XKR4: variants seen among roughly 807,000 people sequenced by gnomAD.
XKR4 encodes the protein XK related 4.
A neutral mutation model predicts 53.9 loss-of-function variants in XKR4; 12 were observed. The ratio of observed to expected loss-of-function variants is 0.22; its 90% CI spans 0.14 to 0.36. The LOEUF (loss-of-function observed/expected upper bound fraction) is 0.36, where lower values mean the gene tolerates loss of function less well. XKR4 is among the 10% of genes least tolerant of loss of function. The pLI is 1.00. For synonymous variants in XKR4, 354 were observed against 362.4 expected, an observed-to-expected ratio of 0.98 and a Z score of 0.26; for missense variants, 799 against 859.5, an observed-to-expected ratio of 0.93 and a Z score of 0.88.
At chr8:55,318,034 C>T (rs1205314357) in intron 1 of XKR4, among the ~76,000 whole-genome samples, 1 of 152,204 alleles carries the variant, frequency 6.6e-6, no homozygotes. Context: ...TTTATTAGAA[C>T]CAATGTTCAA....
At chr8:55,321,250 C>T (rs1447557469) in intron 1 of XKR4, among the ~76,000 whole-genome samples, 1 of 152,164 alleles carries the variant, frequency 6.6e-6, no homozygotes, top group African/African-American at 2.4e-5. Flanking sequence ...CAACCCAGTT[C>T]CTCTCTCTGT....
At chr8:55,202,217 G>A (rs567292765) in intron 1 of XKR4, among the ~76,000 whole-genome samples, 4 of 152,300 alleles carry the variant, frequency 2.6e-5, no homozygotes, top group South Asian at 4.1e-4. Flanking sequence ...ATCATCAGTC[G>A]GGGGTATGAG....
chr8:55,444,787 TA>T (rs1352249655), intron 2 of XKR4, among the ~76,000 whole-genome samples: 1 of 152,220 alleles, frequency 6.6e-6, no homozygotes, highest in African/African-American at 2.4e-5. Flanking sequence ...CATCATCTAT[TA>T]AAGTTTAATA....
At chr8:55,420,204 A>T (rs534259580) in intron 2 of XKR4, among the ~76,000 whole-genome samples, 2 of 152,300 alleles carry the variant, frequency 1.3e-5, no homozygotes, top group East Asian at 3.9e-4. Flanking sequence ...CAGTGAAAAG[A>T]TTGTGCATAA....
At chr8:55,490,838 T>C (rs1414285670) in intron 2 of XKR4, among the ~76,000 whole-genome samples, 2 of 151,656 alleles carry the variant, frequency 1.3e-5, no homozygotes, top group South Asian at 2.1e-4. Flanking sequence ...TTGTGGTTTG[T>C]TTTTTCTGCT....
intron 1 of XKR4, among the ~76,000 whole-genome samples, chr8:55,281,474 G>A (rs111825957): frequency 2.0e-5 from 3 of 152,254 alleles, no homozygotes; most frequent in African/African-American, 7.2e-5. Flanking sequence ...AATGGGAAAT[G>A]GGAAGTCCCT....
chr8:55,146,049 T>C (rs1816769636), intron 1 of XKR4, among the ~76,000 whole-genome samples: 1 of 152,238 alleles, frequency 6.6e-6, no homozygotes, highest in African/African-American at 2.4e-5. Context: ...AAATGGGAAT[T>C]ATGAAATGAC....
chr8:55,120,142 A>C (rs568291249), intron 1 of XKR4, among the ~76,000 whole-genome samples: 103 of 152,320 alleles, frequency 6.8e-4, no homozygotes, highest in African/African-American at 2.4e-3. Context: ...GAAGTTAATT[A>C]GGGATTCCTG....
intron 2 of XKR4, among the ~76,000 whole-genome samples, chr8:55,461,641 T>G (rs1805659925): frequency 6.6e-6 from 1 of 151,778 alleles, no homozygotes; most frequent in Non-Finnish European, 1.5e-5. Flanking sequence ...TTTTGATGAG[T>G]TGAGAGAGGA....
rs1051448792 is a variant in XKR4 at position 55,531,513 on chromosome 8, A to T, written c.*7286A>T. Reference sequence around the variant, plus strand: ...TAAAGTAACAATACAAATACAAAAAAAAAACTAGATGACTGCTTATAAAGA... The same window carrying T: ...TAAAGTAACAATACAAATACAAAAATAAAACTAGATGACTGCTTATAAAGA... On this transcript the variant is annotated 3_prime_UTR_variant, in exon 3 of 3. Coordinates refer to ENST00000327381, the MANE Select transcript of XKR4 (RefSeq NM_052898.2). The T allele has an allele frequency of 6.6e-6, 1 of 152,202 alleles. No individual in the cohort carries two copies. Among genetic ancestry groups the T allele is most frequent in the African/African-American group, 2.4e-5 (1 of 41,452 alleles). 9.4% of individuals were successfully genotyped at this position (152,202 alleles called of 1,614,324 possible).
chr8:55,450,239 A>C, intron 2 of XKR4: 2 of 648,312 alleles, frequency 3.1e-6, no homozygotes, highest in East Asian at 3.1e-5. Context: ...CCTCCGTCAA[A>C]CCGTTCTTCC....
intron 1 of XKR4, among the ~76,000 whole-genome samples, chr8:55,279,095 T>A (rs1445646998): frequency 6.6e-6 from 1 of 152,220 alleles, no homozygotes; most frequent in East Asian, 1.9e-4. Context: ...TCACTGTACA[T>A]CAAAGAAGTT....
Position 55,357,743 on chromosome 8 carries a change from T to C in XKR4, c.872T>C (p.Phe291Ser). The C allele has an allele frequency of 1.2e-6, 2 of 1,614,190 alleles. No homozygotes were observed. The highest frequency in any genetic ancestry group is 1.7e-6 in the Non-Finnish European group (2 of 1,180,036). ...AGTGGGGAGAATGACAGATGGAGGT[T>C]TTACTGGAAAATGGTATATGAGTAT... is the stretch of plus-strand genomic sequence containing the variant. ...RQSGENDRWR[F>S]YWKMVYEYAD... The change falls in exon 2 of 3, where the codon TTT becomes TCT. Residue 291 changes from phenylalanine to serine, a missense_variant. Phe to Ser is a radical substitution (Grantham distance 155). Around this residue, in one of 3 missense-constraint regions of XKR4, gnomAD observed 476 missense variants for 505.4 expected, o/e 0.94. Transcript: ENST00000327381.
rs1379231926 is a variant in XKR4 at position 55,249,140 on chromosome 8, C to T, written c.807-108538C>T. 2.6e-5 allele frequency among the ~76,000 whole-genome samples: 4 copies of T among 152,256 alleles called. No individual in the cohort carries two copies. In the East Asian group the frequency reaches 7.7e-4, roughly 29 times the overall value. On this transcript the variant is annotated intron_variant, in intron 1 of 2. Coordinates refer to ENST00000327381, the MANE Select transcript of XKR4 (RefSeq NM_052898.2). ...ACTGTTTGGCTATAGCAAAATGAAG[C>T]CCTCTCAAAGCAACTTAAGCAAAAA...
chr8:55,491,845 T>A (rs957753089), intron 2 of XKR4, among the ~76,000 whole-genome samples: 90 of 152,182 alleles, frequency 5.9e-4, no homozygotes, highest in African/African-American at 2.2e-3. Flanking sequence ...GTATGTAAGC[T>A]CTGAGAATTG....
chr8:55,460,693 C>A (rs564194285), intron 2 of XKR4, among the ~76,000 whole-genome samples: 2 of 152,082 alleles, frequency 1.3e-5, no homozygotes, highest in African/African-American at 2.4e-5. Flanking sequence ...ATCGCCTCAC[C>A]CGGGAAGCAC....
chr8:55,240,256 TA>T (rs959183255), intron 1 of XKR4, among the ~76,000 whole-genome samples: 5 of 152,116 alleles, frequency 3.3e-5, no homozygotes, highest in South Asian at 4.1e-4. Flanking sequence ...TATATTTATT[TA>T]AAAAAATATA....
intron 1 of XKR4, among the ~76,000 whole-genome samples, chr8:55,273,865 T>C (rs4738024): frequency 0.76 from 115,708 of 152,118 alleles, 47,260 homozygotes; most frequent in Non-Finnish European, 0.92. Context: ...TAGCAATTCC[T>C]GTCTTGATGA....
At position 55,103,312 on chromosome 8, in the gene XKR4, G is replaced by A. The variant is rs530136433; in HGVS notation, c.806+18G>A. The A allele has an allele frequency of 7.6e-6, 12 of 1,570,310 alleles. No homozygotes were observed. Among genetic ancestry groups the A allele is most frequent in the South Asian group, 2.4e-5 (2 of 84,322 alleles). ...ATCTGGAGGTACTGTAATGGGTGGG[G>A]GAAAAGGGAGGCTTGCTGCTGCTAC... On this transcript the variant is annotated intron_variant, in intron 1 of 2. Transcript: ENST00000327381.
Sources: gnomAD v4.1 joint callset for allele counts (sites outside exome capture counted in the v4.1 genomes callset) on GRCh38, gnomAD v4.1.1 for gene constraint, gnomAD v4.1.1 regional missense constraint, MANE v1.5 for transcripts, NCBI Gene and HGNC (gene_info 2026-07-23, HGNC 2026-07-21) for gene names.